Variants in BCAS3 observed in about 807,000 individuals in gnomAD.
BCAS3 encodes BCAS3 microtubule associated cell migration factor.
In BCAS3, 53 loss-of-function variants were observed where a neutral mutation model predicts 116.1. The ratio of observed to expected loss-of-function variants is 0.46; its 90% CI spans 0.37 to 0.57. The LOEUF (loss-of-function observed/expected upper bound fraction) is 0.57, where lower values mean the gene tolerates loss of function less well. Among genes scored for constraint, BCAS3 ranks in the 20% least tolerant of loss-of-function variants. BCAS3 has a pLI of 0.00. For missense variants in BCAS3, 917 were observed against 1,165.4 expected (o/e 0.79, Z 3.10); for synonymous variants, 391 against 408.2 (o/e 0.96, Z 0.51).
rs560122243 is a variant in BCAS3, at chr17:61,148,940, G to A, written c.2425+64376G>A. ...CAGAAAACAGTTATTTATGGCTTTG[G>A]GAGAATTGATTGTAACATGAAGATA... On this transcript the variant is annotated intron_variant, in intron 22 of 23. Transcript: ENST00000407086. Among the ~76,000 whole-genome samples, 152 of 152,284 alleles carry A rather than the reference G, an allele frequency of 1.0e-3. 1 individual carries two copies. The highest frequency in any genetic ancestry group is 3.5e-3 in the African/African-American group (146 of 41,556).
At chr17:61,080,511 G>GAGGAGGGTGGATCATGAGGTC (rs1426571992) in intron 21 of BCAS3, among the ~76,000 whole-genome samples, 1 of 151,958 alleles carries the variant, frequency 6.6e-6, no homozygotes, top group Non-Finnish European at 1.5e-5. Context: ...TTGGGAGGCT[G>GAGGAGGGTGGATCATGAGGTC]AGGAGGGTGG....
rs561169312 is a variant in BCAS3 at position 60,975,039 on chromosome 17, G to A, written c.1222-14932G>A. Among the ~76,000 whole-genome samples, 265 of 148,130 alleles carry A rather than the reference G, an allele frequency of 1.8e-3. 1 individual carries two copies. The highest frequency in any genetic ancestry group is 2.9e-3 in the Non-Finnish European group (199 of 67,550). The stretch of plus-strand genomic sequence containing the variant: ...AGACGGAGTCTCGCTCTGTCGCCCA[G>A]GCCGGACTGCGGACTGCAGTGGCGC... On this transcript the variant is annotated intron_variant, in intron 14 of 23. Transcript: ENST00000407086.
At chr17:61,116,245 A>AAAAT (rs548479481) in intron 22 of BCAS3, among the ~76,000 whole-genome samples, 2,104 of 63,380 alleles carry the variant, frequency 0.033, 49 homozygotes, top group African/African-American at 0.081. Context: ...GTATAATAAA[A>AAAAT]AAATAAATAA....
At chr17:61,092,797 G>C (rs571188638) in intron 22 of BCAS3, among the ~76,000 whole-genome samples, 20 of 148,572 alleles carry the variant, frequency 1.3e-4, no homozygotes, top group African/African-American at 4.5e-4. Flanking sequence ...AGTTAATTGC[G>C]TTTTCACTTT....
rs11869778 is a variant in BCAS3, at chr17:61,347,235, C to T, written c.2426-21092C>T. Among the ~76,000 whole-genome samples the T allele has an allele frequency of 0.42, 63,245 of 151,946 alleles. 15,450 individuals carry two copies. Among genetic ancestry groups the T allele is most frequent in the Non-Finnish European group, 0.55 (37,372 of 67,942 alleles). ...TAGCTGGGATTACAGGCATGCACCACCACACCCGGCTGATTTTTATATTTT... is the reference window on the plus strand; with the variant it reads ...TAGCTGGGATTACAGGCATGCACCATCACACCCGGCTGATTTTTATATTTT... On this transcript the variant is annotated intron_variant, in intron 22 of 23. Transcript: ENST00000407086. This position sits in a 1 kb window ranked among gnomAD's most constrained non-coding sequence, Gnocchi z 4.3.
In BCAS3 at chr17:61,007,852, A is replaced by C. The variant is rs2064827577; in HGVS notation, c.1487-7899A>C. ...GAACTTTTTACTCAAAGAAAGCAAC[A>C]AGTGTTTTTGCTTGAAATGCATCAA... On this transcript the variant is annotated intron_variant, in intron 15 of 23. Transcript: ENST00000407086. The surrounding 1 kb of genome is among the most constrained non-coding windows in gnomAD (Gnocchi z 4.3). Among the ~76,000 whole-genome samples, 1 of 152,102 alleles carries C rather than the reference A, an allele frequency of 6.6e-6. No individual in the cohort carries two copies. Among genetic ancestry groups the C allele is most frequent in the Non-Finnish European group, 1.5e-5 (1 of 68,006 alleles).
intron 5 of BCAS3, among the ~76,000 whole-genome samples, chr17:60,717,070 G>A (rs1426816291): frequency 2.0e-5 from 3 of 152,084 alleles, no homozygotes; most frequent in African/African-American, 4.8e-5. Flanking sequence ...TATATACGAT[G>A]GTCTGGGAAA....
intron 22 of BCAS3, among the ~76,000 whole-genome samples, chr17:61,274,109 C>A (rs1434183285): frequency 6.6e-6 from 1 of 150,592 alleles, no homozygotes; most frequent in Non-Finnish European, 1.5e-5. Context: ...TCCCTCCCCA[C>A]TCCCCCCACC....
intron 22 of BCAS3, among the ~76,000 whole-genome samples, chr17:61,177,116 G>A (rs904426082): frequency 2.6e-5 from 4 of 152,192 alleles, no homozygotes; most frequent in African/African-American, 9.6e-5. Flanking sequence ...ATAGAAAATT[G>A]TACAAATGTT....
At position 61,156,218 on chromosome 17, in the gene BCAS3, A is replaced by G. The variant is rs1477241413; in HGVS notation, c.2425+71654A>G. Among the ~76,000 whole-genome samples the G allele has an allele frequency of 2.0e-5, 3 of 151,930 alleles. No homozygotes were observed. Among genetic ancestry groups the G allele is most frequent in the African/African-American group, 4.8e-5 (2 of 41,368 alleles). On this transcript the variant is annotated intron_variant, in intron 22 of 23. Transcript: ENST00000407086. The surrounding 1 kb of genome is among the most constrained non-coding windows in gnomAD (Gnocchi z 4.7). The stretch of plus-strand genomic sequence containing the variant: ...AAAATCTGAGTTGTTACTAAGCCTA[A>G]TTCTCTGGTTAAAGTTTGGGTCAAT...
intron 22 of BCAS3, among the ~76,000 whole-genome samples, chr17:61,247,377 A>T (rs2048053924): frequency 6.6e-6 from 1 of 152,144 alleles, no homozygotes; most frequent in South Asian, 2.1e-4. Flanking sequence ...TATCAAAAAT[A>T]TATTGTTTAA....
In BCAS3 at chr17:61,258,702, A is replaced by G. The variant is rs1451804143; in HGVS notation, c.2426-109625A>G. On this transcript the variant is annotated intron_variant, in intron 22 of 23. Transcript: ENST00000407086. This position sits in a 1 kb window ranked among gnomAD's most constrained non-coding sequence, Gnocchi z 4.7. ...TAAAGTGGAGAATTTTGGATAATAAATTTTAGTAGACTCATTTGATATAAC... is the reference window on the plus strand; with the variant it reads ...TAAAGTGGAGAATTTTGGATAATAAGTTTTAGTAGACTCATTTGATATAAC... Among the ~76,000 whole-genome samples, 1 of 152,220 alleles carries G rather than the reference A, an allele frequency of 6.6e-6. No homozygotes were observed.
chr17:60,865,650 G>T (rs187978573), intron 7 of BCAS3, among the ~76,000 whole-genome samples: 199 of 152,254 alleles, frequency 1.3e-3, no homozygotes, highest in Non-Finnish European at 2.4e-3. Context: ...TTTTTAAAGA[G>T]ATTCTTTGGG....
rs569742124 is a variant in BCAS3, at chr17:61,311,027, T to C, written c.2426-57300T>C. On this transcript the variant is annotated intron_variant, in intron 22 of 23. Transcript: ENST00000407086. The stretch of plus-strand genomic sequence containing the variant: ...CTCTCTGTGCCTCGGTTTTTTCATG[T>C]GTAAAATAGTATACCTACATCCTCG... Among the ~76,000 whole-genome samples the C allele has an allele frequency of 2.6e-5, 4 of 152,334 alleles. No individual in the cohort carries two copies. The South Asian group carries it at 6.2e-4, about 24-fold the overall frequency.
Position 61,327,000 on chromosome 17 carries a change from A to T in BCAS3, c.2426-41327A>T, listed in dbSNP as rs1017116034. The stretch of plus-strand genomic sequence containing the variant: ...TAAAGGAAATATAAAAGGGCAATAA[A>T]ATTTTTAATTAAAAAACAAAACAGG... On this transcript the variant is annotated intron_variant, in intron 22 of 23. Transcript: ENST00000407086. This position sits in a 1 kb window ranked among gnomAD's most constrained non-coding sequence, Gnocchi z 5.3. Among the ~76,000 whole-genome samples, 8 of 152,158 alleles carry T rather than the reference A, an allele frequency of 5.3e-5. No homozygotes were observed. The highest frequency in any genetic ancestry group is 7.2e-5 in the African/African-American group (3 of 41,428).
At chr17:60,933,162 G>A (rs909142317) in intron 13 of BCAS3, among the ~76,000 whole-genome samples, 2 of 150,046 alleles carry the variant, frequency 1.3e-5, no homozygotes, top group African/African-American at 4.9e-5. Flanking sequence ...GTGAGACTCC[G>A]TCTCAAAAAG....
intron 23 of BCAS3, among the ~76,000 whole-genome samples, chr17:61,386,782 T>TC (rs376932038): frequency 7.2e-6 from 1 of 139,698 alleles, no homozygotes; most frequent in African/African-American, 2.6e-5. Flanking sequence ...TGTTTTTTTT[T>TC]GTTTTTGTTT....
rs1238271019 is a variant in BCAS3, at chr17:61,034,835, G to C, written c.1762+45G>C. On this transcript the variant is annotated intron_variant, in intron 17 of 23. Transcript: ENST00000407086. The surrounding 1 kb of genome is among the most constrained non-coding windows in gnomAD (Gnocchi z 5.0). ...AATGAATGCTCTATTTGTAATTTTT[G>C]CTTCTTAAGGAAAATTTTTAGCAGT... is the stretch of plus-strand genomic sequence containing the variant. 1.3e-6 allele frequency: 2 copies of C among 1,545,272 alleles called. No individual in the cohort carries two copies. The highest frequency in any genetic ancestry group is 1.2e-5 in the South Asian group (1 of 82,064).
chr17:61,107,743 A>T lies in BCAS3; in HGVS notation c.2425+23179A>T, dbSNP rs140822067. 5.3e-5 allele frequency among the ~76,000 whole-genome samples: 8 copies of T among 152,312 alleles called. No homozygotes were observed. In the South Asian group the frequency reaches 8.3e-4, roughly 16 times the overall value. On this transcript the variant is annotated intron_variant, in intron 22 of 23. Coordinates refer to ENST00000407086, the MANE Select transcript of BCAS3 (RefSeq NM_017679.5). ...GCATGGTATGGATGTCGCACAGTTT[A>T]GTTAACTATTCACCTATTATACAAC...
Sources: gnomAD v4.1 joint callset for allele counts (sites outside exome capture counted in the v4.1 genomes callset) on GRCh38, gnomAD v4.1.1 for gene constraint, Gnocchi (gnomAD v3.1) non-coding constraint, MANE v1.5 for transcripts, NCBI Gene and HGNC (gene_info 2026-07-23, HGNC 2026-07-21) for gene names.